The following SKAP1 variants were observed in gnomAD, a reference collection of about 807,000 sequenced individuals.
The protein encoded by SKAP1 is src kinase-associated phosphoprotein 1.
In SKAP1, 44 loss-of-function variants were observed where a neutral mutation model predicts 58.5. The ratio of observed to expected loss-of-function variants is 0.75; its 90% CI spans 0.59 to 0.97. SKAP1 has a LOEUF of 0.97. Among genes scored for constraint, SKAP1 ranks in the 50% least tolerant of loss-of-function variants. SKAP1 has a pLI of 0.00. For missense variants in SKAP1, 390 were observed against 435.2 expected (o/e 0.90, Z 0.92); for synonymous variants, 127 against 149.7 (o/e 0.85, Z 1.11).
intron 4 of SKAP1, among the ~76,000 whole-genome samples, chr17:48,228,753 G>C (rs1474254996): frequency 6.6e-6 from 1 of 152,224 alleles, no homozygotes; most frequent in Non-Finnish European, 1.5e-5. Flanking sequence ...GCTAGTGACT[G>C]CCAGAGCTCA....
chr17:48,191,168 G>C (rs2064540187), intron 4 of SKAP1, among the ~76,000 whole-genome samples: 1 of 152,018 alleles, frequency 6.6e-6, no homozygotes, highest in African/African-American at 2.4e-5. Flanking sequence ...TCCTCCACTG[G>C]GGTTTATACT....
chr17:48,192,706 C>T (rs1187895193), intron 4 of SKAP1, among the ~76,000 whole-genome samples: 1 of 152,110 alleles, frequency 6.6e-6, no homozygotes, highest in Non-Finnish European at 1.5e-5. Flanking sequence ...CACTGCTTCG[C>T]TTATTTAATT....
chr17:48,406,910 C>T (rs1195210124), intron 1 of SKAP1, among the ~76,000 whole-genome samples: 1 of 151,820 alleles, frequency 6.6e-6, no homozygotes. Flanking sequence ...ACCATGTTGC[C>T]CAGGCTAGTC....
chr17:48,164,482 T>G (rs552076878), intron 10 of SKAP1, among the ~76,000 whole-genome samples: 1 of 152,320 alleles, frequency 6.6e-6, no homozygotes, highest in South Asian at 2.1e-4. Flanking sequence ...ATTGAGTGCC[T>G]TTTTGGTGTA....
At chr17:48,405,135 T>C (rs1450392405) in intron 1 of SKAP1, among the ~76,000 whole-genome samples, 1 of 152,098 alleles carries the variant, frequency 6.6e-6, no homozygotes, top group Admixed American at 6.6e-5. Flanking sequence ...ATAGATGAAG[T>C]AGACAAAAAT....
intron 4 of SKAP1, among the ~76,000 whole-genome samples, chr17:48,217,440 T>C (rs2143706138): frequency 6.6e-6 from 1 of 151,674 alleles, no homozygotes; most frequent in South Asian, 2.1e-4. Flanking sequence ...TGAGCTCAGG[T>C]GTTTGAGACC....
intron 4 of SKAP1, among the ~76,000 whole-genome samples, chr17:48,238,736 A>T (rs989227808): frequency 6.6e-6 from 1 of 152,226 alleles, no homozygotes; most frequent in African/African-American, 2.4e-5. Context: ...AAAAATTGTA[A>T]TAAGTGCACA....
chr17:48,137,106 G>A, intron 12 of SKAP1, 123 bp downstream of exon 12: 1 of 597,948 alleles, frequency 1.7e-6, no homozygotes, highest in South Asian at 2.3e-5. Flanking sequence ...TGAATCACTA[G>A]CATTAGTATG....
chr17:48,357,768 T>C (rs2066895312), intron 3 of SKAP1, among the ~76,000 whole-genome samples: 1 of 152,242 alleles, frequency 6.6e-6, no homozygotes, highest in Non-Finnish European at 1.5e-5. Flanking sequence ...GTATAGGAAG[T>C]AAATTATTTG....
At chr17:48,205,740 A>T (rs1421589746) in intron 4 of SKAP1, among the ~76,000 whole-genome samples, 2 of 152,180 alleles carry the variant, frequency 1.3e-5, no homozygotes, top group Non-Finnish European at 2.9e-5. Flanking sequence ...TGAAAGCTGG[A>T]AGCCAATGAA....
chr17:48,149,498 C>A (rs1450155124), intron 11 of SKAP1, among the ~76,000 whole-genome samples: 2 of 152,198 alleles, frequency 1.3e-5, no homozygotes, highest in African/African-American at 4.8e-5. Context: ...AAAGCAACGT[C>A]CCAGTTGCGG....
chr17:48,298,873 A>G (rs1392089304), intron 4 of SKAP1, among the ~76,000 whole-genome samples: 1 of 152,228 alleles, frequency 6.6e-6, no homozygotes, highest in East Asian at 1.9e-4. Flanking sequence ...TGTAAACTGT[A>G]GACCTTTTAA....
At chr17:48,165,944 C>T (rs540553016) in intron 10 of SKAP1, among the ~76,000 whole-genome samples, 52 of 152,240 alleles carry the variant, frequency 3.4e-4, no homozygotes, top group African/African-American at 1.2e-3. Context: ...AAGAATAAAG[C>T]TTAATGCCAG....
intron 4 of SKAP1, among the ~76,000 whole-genome samples, chr17:48,330,846 C>T (rs945274069): frequency 2.0e-5 from 3 of 151,766 alleles, no homozygotes; most frequent in Non-Finnish European, 2.9e-5. Context: ...CAAAGAGTGA[C>T]CAAGTAACCA....
intron 12 of SKAP1, chr17:48,136,935 C>T: frequency 4.3e-6 from 1 of 230,648 alleles, no homozygotes; most frequent in Non-Finnish European, 8.7e-6. Context: ...TCCTAAAGTG[C>T]TGGGATTACA....
At chr17:48,155,159 G>A (rs182135715) in intron 11 of SKAP1, among the ~76,000 whole-genome samples, 1 of 151,530 alleles carries the variant, frequency 6.6e-6, no homozygotes, top group Non-Finnish European at 1.5e-5. Context: ...ATGGAGTCTC[G>A]CTCTGTCATC....
upstream of SKAP1, among the ~76,000 whole-genome samples, chr17:48,431,957 G>A (rs906078234): frequency 7.9e-5 from 12 of 152,134 alleles, no homozygotes; most frequent in African/African-American, 2.9e-4. Flanking sequence ...TCAAAGATGA[G>A]GGTGTGATCC....
chr17:48,150,446 A>G (rs949424928), intron 11 of SKAP1, among the ~76,000 whole-genome samples: 8 of 152,200 alleles, frequency 5.3e-5, no homozygotes, highest in Non-Finnish European at 7.3e-5. Flanking sequence ...CCTTGGTTAC[A>G]ATGTTTCAAA....
At chr17:48,346,082 T>TACATC in intron 3 of SKAP1, 76 bp from the exon 4 acceptor site, 1 of 821,478 alleles carries the variant, frequency 1.2e-6, no homozygotes, top group Non-Finnish European at 1.9e-6. Flanking sequence ...TATAAAAGGA[T>TACATC]CTATGTATGA....
Sources: gnomAD v4.1 joint callset for allele counts (sites outside exome capture counted in the v4.1 genomes callset) on GRCh38, gnomAD v4.1.1 for gene constraint, MANE v1.5 for transcripts, NCBI Gene and HGNC (gene_info 2026-07-23, HGNC 2026-07-21) for gene names.